TXK: variants seen among roughly 807,000 people sequenced by gnomAD.
The protein encoded by TXK is TXK tyrosine kinase, also known as tyrosine-protein kinase TXK.
Under a neutral mutation model 81.0 loss-of-function variants are expected in TXK, and 60 were observed. That is an observed-to-expected ratio of 0.74 (90% CI 0.60 to 0.92). The LOEUF is 0.92. Ranked by LOEUF, TXK falls within the 40% of genes least tolerant of loss-of-function variation. The pLI is 0.00. For missense variants in TXK, 581 were observed against 638.3 expected, an observed-to-expected ratio of 0.91 and a Z score of 0.97; for synonymous variants, 203 against 210.7, an observed-to-expected ratio of 0.96 and a Z score of 0.32.
chr4:48,132,937 C>G (rs1432805979), intron 1 of TXK, among the ~76,000 whole-genome samples: 1 of 149,746 alleles, frequency 6.7e-6, no homozygotes, highest in Non-Finnish European at 1.5e-5. Flanking sequence ...CAGAGCAAGA[C>G]TCTGTCTAAA....
chr4:48,076,432 A>G lies in TXK; in HGVS notation c.1208T>C (p.Ile403Thr), dbSNP rs1339520054. The G allele has an allele frequency of 2.5e-6, 4 of 1,613,136 alleles. No homozygotes were observed. The highest frequency in any genetic ancestry group is 3.4e-6 in the Non-Finnish European group (4 of 1,179,706). Residue 403 changes from isoleucine to threonine, a missense_variant, in exon 12 of 15, where the codon ATA becomes ACA. Transcript: ENST00000264316. Reference sequence around the variant, plus strand: ...CATTCCAAAGTCTGAAATTTTTACTATGCATGTTGAACTGACCAAACAATT... The same window carrying G: ...CATTCCAAAGTCTGAAATTTTTACTGTGCATGTTGAACTGACCAAACAATT... ...ARNCLVSSTCIVKISDFGMTR... is the reference protein window; with the variant it reads ...ARNCLVSSTCTVKISDFGMTR...
chr4:48,090,821 G>T (rs1479879736), intron 8 of TXK, among the ~76,000 whole-genome samples: 1 of 152,196 alleles, frequency 6.6e-6, no homozygotes, highest in Non-Finnish European at 1.5e-5. Context: ...CTTTAGAGTG[G>T]GTGCTCAGGG....
chr4:48,114,590 T>C (rs939834142), intron 1 of TXK, 188 bp from the exon 2 acceptor site: 15 of 604,976 alleles, frequency 2.5e-5, no homozygotes, highest in Non-Finnish European at 4.1e-5. Flanking sequence ...TTGGCCAGTG[T>C]GGTTTCCCTT....
chr4:48,103,435 C>T (rs536293691), intron 6 of TXK, among the ~76,000 whole-genome samples: 5 of 152,340 alleles, frequency 3.3e-5, no homozygotes, highest in African/African-American at 4.8e-5. Context: ...AACCTCCATC[C>T]GTGGTCACCT....
intron 6 of TXK, among the ~76,000 whole-genome samples, chr4:48,095,915 T>C (rs1717961195): frequency 6.6e-6 from 1 of 152,238 alleles, no homozygotes; most frequent in Non-Finnish European, 1.5e-5. Flanking sequence ...TTAGATTCGT[T>C]TGTTTGATAT....
chr4:48,127,910 CTGGG>C (rs1449300684), intron 1 of TXK, among the ~76,000 whole-genome samples: 1 of 152,160 alleles, frequency 6.6e-6, no homozygotes, highest in Admixed American at 6.5e-5. Context: ...CCAGAGGTTC[CTGGG>C]TGGCAACAGC....
intron 10 of TXK, among the ~76,000 whole-genome samples, chr4:48,080,539 G>C (rs1405634620): frequency 6.6e-6 from 1 of 152,124 alleles, no homozygotes; most frequent in Non-Finnish European, 1.5e-5. Context: ...GGAGGAAAGA[G>C]TGACTAAAAG....
intron 3 of TXK, 60 bp from the exon 4 acceptor site, chr4:48,112,572 A>T (rs1434655218): frequency 1.4e-5 from 21 of 1,508,204 alleles, no homozygotes; most frequent in Non-Finnish European, 1.8e-5. Context: ...ACTAAAAAAT[A>T]TAGGGACAAA....
At chr4:48,128,561 C>CTTT (rs58431850) in intron 1 of TXK, among the ~76,000 whole-genome samples, 1,182 of 85,260 alleles carry the variant, frequency 0.014, 56 homozygotes, top group African/African-American at 0.026. Context: ...CCACTACATC[C>CTTT]TTTTTTTTTT....
In TXK at chr4:48,116,934, G is replaced by A. The variant is rs537729134; in HGVS notation, c.17-2532C>T. Among the ~76,000 whole-genome samples the A allele has an allele frequency of 2.0e-5, 3 of 152,232 alleles. No individual in the cohort carries two copies. The East Asian group carries it at 5.8e-4, about 29-fold the overall frequency. On this transcript the variant is annotated intron_variant, in intron 1 of 14. Coordinates refer to ENST00000264316, the MANE Select transcript of TXK (RefSeq NM_003328.3). Reference sequence around the variant, plus strand: ...GTCTCACTGCGTCGGCCAGGCTGGAGTGCAGTGGTGCTATCTTGGTTCACT... The same window carrying A: ...GTCTCACTGCGTCGGCCAGGCTGGAATGCAGTGGTGCTATCTTGGTTCACT...
chr4:48,121,092 T>C (rs986028108), intron 1 of TXK, among the ~76,000 whole-genome samples: 2 of 152,036 alleles, frequency 1.3e-5, no homozygotes, highest in African/African-American at 4.8e-5. Context: ...ATTTCTTCTT[T>C]TCTTTGTCTT....
chr4:48,120,179 GTGTATATA>G (rs1718915429), intron 1 of TXK, among the ~76,000 whole-genome samples: 2 of 58,938 alleles, frequency 3.4e-5, no homozygotes, highest in East Asian at 4.0e-4. Flanking sequence ...ATACGTATAT[GTGTATATA>G]TACATACACA....
In TXK at chr4:48,076,436, A is replaced by G; in HGVS notation, c.1204T>C (p.Cys402Arg). Reference sequence around the variant, plus strand: ...CCAAAGTCTGAAATTTTTACTATGCATGTTGAACTGACCAAACAATTCCTT... The same window carrying G: ...CCAAAGTCTGAAATTTTTACTATGCGTGTTGAACTGACCAAACAATTCCTT... The part of the protein sequence containing the change: ...AARNCLVSST[C>R]IVKISDFGMT... The change falls in exon 12 of 15, where the codon TGC (cysteine) becomes CGC (arginine). Residue 402 changes from cysteine to arginine, a missense_variant. By Grantham distance (180) the Cys-to-Arg change is radical. Coordinates refer to ENST00000264316, the MANE Select transcript of TXK (RefSeq NM_003328.3). The G allele has an allele frequency of 2.5e-6, 4 of 1,613,362 alleles. No individual in the cohort carries two copies. The highest frequency in any genetic ancestry group is 3.4e-6 in the Non-Finnish European group (4 of 1,179,736).
intron 1 of TXK, among the ~76,000 whole-genome samples, chr4:48,122,037 C>G (rs1347600694): frequency 6.6e-6 from 1 of 152,178 alleles, no homozygotes. Context: ...ACCATCACCT[C>G]ACCTGGCTCA....
intron 5 of TXK, chr4:48,105,958 C>A (rs1378661511): frequency 1.3e-5 from 2 of 151,976 alleles, no homozygotes; most frequent in Admixed American, 1.3e-4. Flanking sequence ...GCTAAACATA[C>A]AGTTTGATAT....
intron 13 of TXK, among the ~76,000 whole-genome samples, chr4:48,073,514 C>T (rs1716945701): frequency 6.6e-6 from 1 of 152,110 alleles, no homozygotes; most frequent in South Asian, 2.1e-4. Context: ...TTTTTAAACT[C>T]AGGTTTTAAG....
chr4:48,112,547 A>G, intron 3 of TXK, 35 bp from the exon 4 acceptor site: 1 of 1,551,834 alleles, frequency 6.4e-7, no homozygotes. Context: ...TTTTACTATC[A>G]TTTTAATAAT....
intron 12 of TXK, among the ~76,000 whole-genome samples, chr4:48,075,135 G>C (rs1187412111): frequency 6.6e-6 from 1 of 152,138 alleles, no homozygotes; most frequent in East Asian, 1.9e-4. Flanking sequence ...TAGTAGATCA[G>C]TGGGTTAGGG....
intron 1 of TXK, among the ~76,000 whole-genome samples, chr4:48,117,539 A>G (rs1358057835): frequency 2.0e-5 from 3 of 152,206 alleles, no homozygotes; most frequent in African/African-American, 7.2e-5. Context: ...TAGTGGCCAC[A>G]GGGCAGTTCA....
Sources: allele counts gnomAD v4.1 joint callset (sites outside exome capture counted in the v4.1 genomes callset), GRCh38; gene constraint gnomAD v4.1.1; transcripts MANE v1.5; gene names NCBI Gene and HGNC (gene_info 2026-07-23, HGNC 2026-07-21).